Variants in FERMT2 observed in about 807,000 individuals in gnomAD.
FERMT2 encodes fermitin family homolog 2.
Under a neutral mutation model 82.7 loss-of-function variants are expected in FERMT2, and 15 were observed. That is an observed-to-expected ratio of 0.18 (90% CI 0.12 to 0.28). FERMT2 has a LOEUF of 0.28. Ranked by LOEUF, FERMT2 falls within the 10% of genes least tolerant of loss-of-function variation. The pLI is 1.00. For synonymous variants in FERMT2, 274 were observed against 271.5 expected, an observed-to-expected ratio of 1.01 and a Z score of -0.09; for missense variants, 645 against 809.4, an observed-to-expected ratio of 0.80 and a Z score of 2.46.
chr14:52,928,611 A>G (rs558835440), intron 2 of FERMT2, among the ~76,000 whole-genome samples: 87 of 152,192 alleles, frequency 5.7e-4, no homozygotes, highest in Admixed American at 1.4e-3. Context: ...TCCCTCTTTC[A>G]TTTCATAGCC....
At chr14:52,934,784 G>A (rs539283674) in intron 2 of FERMT2, among the ~76,000 whole-genome samples, 1 of 152,066 alleles carries the variant, frequency 6.6e-6, no homozygotes, top group Non-Finnish European at 1.5e-5. Context: ...AACACTTTTT[G>A]TTAATTCATT....
Position 52,858,114 on chromosome 14 carries a change from G to T in FERMT2, c.*263C>A, listed in dbSNP as rs12434961. On this transcript the variant is annotated 3_prime_UTR_variant, in exon 15 of 15. Transcript: ENST00000341590. ...AGCTTAAATCAGTAAATCAGTGATGGTTTGTTCCTGATTTGCCCACTATTT... is the reference window on the plus strand; with the variant it reads ...AGCTTAAATCAGTAAATCAGTGATGTTTTGTTCCTGATTTGCCCACTATTT... 5.1e-4 allele frequency: 213 copies of T among 414,036 alleles called. No homozygotes were observed. The highest frequency in any genetic ancestry group is 7.4e-4 in the Non-Finnish European group (168 of 227,398). 25.6% of individuals were successfully genotyped at this position (414,036 alleles called of 1,614,324 possible). A position where few individuals can be genotyped will look rare whatever the true frequency, so the allele number is the denominator to read the frequency against.
chr14:52,899,444 A>G (rs1291252907), intron 3 of FERMT2, among the ~76,000 whole-genome samples: 1 of 152,042 alleles, frequency 6.6e-6, no homozygotes. Context: ...CACCACACCC[A>G]GCTAAGTTTT....
At chr14:52,868,042 C>A (rs368350310) in intron 10 of FERMT2, among the ~76,000 whole-genome samples, 1 of 152,136 alleles carries the variant, frequency 6.6e-6, no homozygotes, top group African/African-American at 2.4e-5. Context: ...TTCAGTGACA[C>A]GTCACTGCTG....
rs994542944 is a variant in FERMT2 at position 52,881,693 on chromosome 14, A to G, written c.527-224T>C. On this transcript the variant is annotated intron_variant, in intron 4 of 14. Transcript: ENST00000341590. ...CTTAAGAATATAATTAAGTTGGCAGAAATTCTGGGGAAAAAAAATCAGTTC... is the reference window on the plus strand; with the variant it reads ...CTTAAGAATATAATTAAGTTGGCAGGAATTCTGGGGAAAAAAAATCAGTTC... The G allele has an allele frequency of 7.1e-6, 8 of 1,127,044 alleles. No individual in the cohort carries two copies. The Admixed American group carries it at 1.1e-4, about 15-fold the overall frequency. The allele number at this position is 1,127,044 out of a possible 1,614,324, so 69.8% of individuals were successfully genotyped here.
chr14:52,948,194 G>A (rs1190743478), intron 2 of FERMT2, among the ~76,000 whole-genome samples: 2 of 152,152 alleles, frequency 1.3e-5, no homozygotes, highest in Non-Finnish European at 2.9e-5. Context: ...GCCACTGTTG[G>A]CAAGTAGTCA....
In FERMT2 at chr14:52,926,234, C is replaced by T; in HGVS notation, c.158-6878G>A. On this transcript the variant is annotated intron_variant, in intron 2 of 14. Coordinates refer to ENST00000341590, the MANE Select transcript of FERMT2 (RefSeq NM_006832.3). ...TTAGTTTTCCATGTGGCATCAAAAT[C>T]CATAATGAAATAACTGTTGATATTC... 1.3e-5 allele frequency among the ~76,000 whole-genome samples: 2 copies of T among 152,082 alleles called. 1 individual carries two copies. Among genetic ancestry groups the T allele is most frequent in the South Asian group, 4.1e-4 (2 of 4,828 alleles).
chr14:52,890,444 GAAA>G (rs1239140523), intron 4 of FERMT2, among the ~76,000 whole-genome samples: 2 of 104,354 alleles, frequency 1.9e-5, no homozygotes, highest in African/African-American at 3.6e-5. Flanking sequence ...CACTCCGTCT[GAAA>G]AAAAAAAAAA....
intron 2 of FERMT2, among the ~76,000 whole-genome samples, chr14:52,940,384 A>T (rs569452640): frequency 6.6e-6 from 1 of 152,348 alleles, no homozygotes; most frequent in East Asian, 1.9e-4. Context: ...AAATACCATA[A>T]GACATCATTT....
chr14:52,872,658 T>G, intron 10 of FERMT2, 141 bp downstream of exon 10: 1 of 723,494 alleles, frequency 1.4e-6, no homozygotes, highest in South Asian at 1.9e-5. Context: ...AAAAGAGACA[T>G]ATCTAAACAT....
chr14:52,937,784 G>T (rs1889911328), intron 2 of FERMT2, among the ~76,000 whole-genome samples: 1 of 152,162 alleles, frequency 6.6e-6, no homozygotes, highest in Non-Finnish European at 1.5e-5. Context: ...CTCTATGCAG[G>T]AATGTTTACA....
intron 2 of FERMT2, among the ~76,000 whole-genome samples, chr14:52,941,694 AG>A (rs1890097588): frequency 6.6e-6 from 1 of 152,254 alleles, no homozygotes; most frequent in East Asian, 1.9e-4. Flanking sequence ...TTATTTAAAT[AG>A]GAATACTGCA....
chr14:52,902,278 A>G (rs1887698484), intron 3 of FERMT2, among the ~76,000 whole-genome samples: 1 of 152,034 alleles, frequency 6.6e-6, no homozygotes. Context: ...CTGTAGTCCC[A>G]GTTACTCAGG....
chr14:52,920,310 C>CA (rs1227880833), intron 2 of FERMT2, among the ~76,000 whole-genome samples: 3 of 152,044 alleles, frequency 2.0e-5, no homozygotes, highest in African/African-American at 7.2e-5. Flanking sequence ...AGTGATGTTT[C>CA]AAAAAACAAA....
At chr14:52,945,975 C>T (rs370274544) in intron 2 of FERMT2, among the ~76,000 whole-genome samples, 1 of 152,170 alleles carries the variant, frequency 6.6e-6, no homozygotes, top group Non-Finnish European at 1.5e-5. Context: ...CTCCTGGGTT[C>T]GAGCGATTCT....
In FERMT2 at chr14:52,935,557, G is replaced by T. The variant is rs993726808; in HGVS notation, c.157+14855C>A. ...ATCTCTCCTTCTTTCCCTCCTCCAT[G>T]TGAGGAAACCAGGAATAGGGTCCTC... On this transcript the variant is annotated intron_variant, in intron 2 of 14. Transcript: ENST00000341590. Among the ~76,000 whole-genome samples the T allele has an allele frequency of 9.2e-5, 14 of 152,146 alleles. 1 individual carries two copies. Among genetic ancestry groups the T allele is most frequent in the Admixed American group, 9.2e-4 (14 of 15,272 alleles).
At chr14:52,916,794 T>C (rs1374153973) in intron 3 of FERMT2, among the ~76,000 whole-genome samples, 1 of 152,214 alleles carries the variant, frequency 6.6e-6, no homozygotes, top group African/African-American at 2.4e-5. Context: ...ACAGAGGGTA[T>C]GTGGGAATTC....
intron 2 of FERMT2, among the ~76,000 whole-genome samples, chr14:52,942,631 T>C (rs935845625): frequency 1.3e-5 from 2 of 152,066 alleles, no homozygotes; most frequent in African/African-American, 2.4e-5. Context: ...TTCTATTTTA[T>C]AGAAGTCAAA....
chr14:52,935,995 G>A (rs1376438484), intron 2 of FERMT2, among the ~76,000 whole-genome samples: 1 of 152,184 alleles, frequency 6.6e-6, no homozygotes, highest in Admixed American at 6.5e-5. Flanking sequence ...TTTCCAGAGG[G>A]TGGGTAACTT....
Sources: gnomAD v4.1 joint callset for allele counts (sites outside exome capture counted in the v4.1 genomes callset) on GRCh38, gnomAD v4.1.1 for gene constraint, MANE v1.5 for transcripts, NCBI Gene and HGNC (gene_info 2026-07-23, HGNC 2026-07-21) for gene names.